The following PTPRN2 variants were observed in gnomAD, a reference collection of about 807,000 sequenced individuals.
The protein encoded by PTPRN2 is protein tyrosine phosphatase receptor type N2.
A neutral mutation model predicts 118.8 loss-of-function variants in PTPRN2; 74 were observed. That is an observed-to-expected ratio of 0.62 (90% CI 0.52 to 0.76). The LOEUF is 0.76. Among genes scored for constraint, PTPRN2 ranks in the 30% least tolerant of loss-of-function variants. The pLI is 0.00. For missense variants in PTPRN2, 1,481 were observed against 1,394.4 expected, an observed-to-expected ratio of 1.06 and a Z score of -0.99; for synonymous variants, 641 against 608.0, an observed-to-expected ratio of 1.05 and a Z score of -0.80.
At chr7:158,371,551 C>T (rs1809996686) in intron 2 of PTPRN2, among the ~76,000 whole-genome samples, 1 of 152,090 alleles carries the variant, frequency 6.6e-6, no homozygotes, top group South Asian at 2.1e-4. Context: ...CACTAATAAA[C>T]ATCCACATTG....
chr7:158,098,793 C>T (rs1322972037), intron 10 of PTPRN2, among the ~76,000 whole-genome samples: 1 of 152,010 alleles, frequency 6.6e-6, no homozygotes, highest in Non-Finnish European at 1.5e-5. Context: ...AGCGTGACCA[C>T]CGAGGAGCTG....
At chr7:157,668,736 G>A (rs760497523) in intron 13 of PTPRN2, among the ~76,000 whole-genome samples, 10 of 152,186 alleles carry the variant, frequency 6.6e-5, no homozygotes, top group Non-Finnish European at 1.5e-4. Flanking sequence ...AAAAGCCTGC[G>A]CTCTGTCAGT....
intron 12 of PTPRN2, among the ~76,000 whole-genome samples, chr7:157,818,632 AGTCCAAGGCCCTGG>A (rs1563141450): frequency 6.9e-6 from 1 of 145,980 alleles, no homozygotes; most frequent in Non-Finnish European, 1.5e-5. Flanking sequence ...GGGGCACTGG[AGTCCAAGGCCCTGG>A]GTGTGAGTCC....
At chr7:157,621,573 A>G in intron 14 of PTPRN2, 64 bp from the exon 15 acceptor site, 1 of 1,591,346 alleles carries the variant, frequency 6.3e-7, no homozygotes, top group Non-Finnish European at 8.5e-7. Flanking sequence ...CAGATGCACA[A>G]AAGGCAGCGG....
chr7:158,302,203 T>C (rs539019335), intron 3 of PTPRN2, among the ~76,000 whole-genome samples: 84 of 152,296 alleles, frequency 5.5e-4, no homozygotes, highest in African/African-American at 1.9e-3. Flanking sequence ...GGACTCTGCA[T>C]CCTCTCCCCA....
At chr7:157,968,108 C>A (rs140673566) in intron 11 of PTPRN2, among the ~76,000 whole-genome samples, 1,672 of 152,242 alleles carry the variant, frequency 0.011, 39 homozygotes, top group African/African-American at 0.038. Flanking sequence ...GGGGAGGACC[C>A]ACTACTCCAG....
Position 157,609,751 on chromosome 7 carries a change from T to G in PTPRN2, c.2345-5676A>C, listed in dbSNP as rs1022326915. Among the ~76,000 whole-genome samples, 2 of 152,204 alleles carry G rather than the reference T, an allele frequency of 1.3e-5. No individual in the cohort carries two copies. Among genetic ancestry groups the G allele is most frequent in the African/African-American group, 4.8e-5 (2 of 41,452 alleles). On this transcript the variant is annotated intron_variant, in intron 15 of 22. Transcript: ENST00000389418. The surrounding 1 kb of genome is among the most constrained non-coding windows in gnomAD (Gnocchi z 4.9). ...CAAGCAATGAGGAGCAAGGCTGAGA[T>G]GACGGTGGACACGCACCCAACTGCG...
chr7:158,071,435 G>GGTGGTGGGAGGTGCTC (rs1811603236), intron 11 of PTPRN2, among the ~76,000 whole-genome samples: 6 of 41,346 alleles, frequency 1.5e-4, no homozygotes, highest in Admixed American at 2.8e-4. Flanking sequence ...AGGTGCTCGT[G>GGTGGTGGGAGGTGCTC]GTGGTGGAGG....
intron 12 of PTPRN2, among the ~76,000 whole-genome samples, chr7:157,825,807 C>T (rs1807134554): frequency 1.3e-5 from 2 of 152,222 alleles, no homozygotes; most frequent in South Asian, 4.1e-4. Flanking sequence ...GCTTCCACCA[C>T]TCAGCTTCTC....
Position 157,629,443 on chromosome 7 carries a change from C to T in PTPRN2, c.2197-7934G>A, listed in dbSNP as rs866319079. 6.6e-6 allele frequency among the ~76,000 whole-genome samples: 1 copy of T among 152,062 alleles called. No homozygotes were observed. The highest frequency in any genetic ancestry group is 2.4e-5 in the African/African-American group (1 of 41,402). On this transcript the variant is annotated intron_variant, in intron 14 of 22. Coordinates refer to ENST00000389418, the MANE Select transcript of PTPRN2 (RefSeq NM_002847.5). This position sits in a 1 kb window ranked among gnomAD's most constrained non-coding sequence, Gnocchi z 4.4. ...ATAATGAGAATAAACTCCCACCATG[C>T]AATACTAAAACTCCTAAGGAGTCCT... is the stretch of plus-strand genomic sequence containing the variant.
At chr7:158,102,647 AG>A (rs1815322958) in intron 10 of PTPRN2, among the ~76,000 whole-genome samples, 1 of 152,192 alleles carries the variant, frequency 6.6e-6, no homozygotes, top group Non-Finnish European at 1.5e-5. Flanking sequence ...GAGAGGCAGA[AG>A]GGGGTGTGGG....
intron 11 of PTPRN2, among the ~76,000 whole-genome samples, chr7:157,909,829 C>T (rs1223273161): frequency 1.3e-5 from 2 of 152,226 alleles, no homozygotes; most frequent in Non-Finnish European, 2.9e-5. Flanking sequence ...CGAGGATTTG[C>T]CCTAGTGCTT....
At chr7:157,774,372 C>T (rs1443601164) in intron 12 of PTPRN2, among the ~76,000 whole-genome samples, 2 of 152,198 alleles carry the variant, frequency 1.3e-5, no homozygotes, top group African/African-American at 2.4e-5. Context: ...ATGCAGGAGC[C>T]CAGCATGGCC....
At chr7:157,840,475 CGTGTGACTGTGTGACT>C (rs1264824776) in intron 12 of PTPRN2, among the ~76,000 whole-genome samples, 1 of 146,614 alleles carries the variant, frequency 6.8e-6, no homozygotes, top group Non-Finnish European at 1.5e-5. Flanking sequence ...TGTGTGGCCA[CGTGTGACTGTGTGACT>C]GTGTGACTGT....
At chr7:158,248,446 G>T (rs998052465) in intron 3 of PTPRN2, among the ~76,000 whole-genome samples, 1 of 148,980 alleles carries the variant, frequency 6.7e-6, no homozygotes, top group Non-Finnish European at 1.5e-5. Context: ...TCATTTACTT[G>T]AATTCAAATC....
chr7:157,966,333 TCAC>T (rs1275917933), intron 11 of PTPRN2, among the ~76,000 whole-genome samples: 1 of 152,002 alleles, frequency 6.6e-6, no homozygotes, highest in Non-Finnish European at 1.5e-5. Context: ...ACCATCATCT[TCAC>T]CACCACCATC....
At chr7:157,592,389 C>G (rs1377586260) in intron 17 of PTPRN2, among the ~76,000 whole-genome samples, 1 of 152,222 alleles carries the variant, frequency 6.6e-6, no homozygotes, top group Admixed American at 6.5e-5. Context: ...ATGTAGGACC[C>G]AGCACCTGCT....
chr7:158,028,189 C>T (rs950782895), intron 11 of PTPRN2: 7 of 152,250 alleles, frequency 4.6e-5, no homozygotes, highest in African/African-American at 1.7e-4. Flanking sequence ...CCAAAATTCT[C>T]TGGACATTTT....
chr7:157,846,410 A>G (rs568390737), intron 12 of PTPRN2, among the ~76,000 whole-genome samples: 49 of 152,192 alleles, frequency 3.2e-4, no homozygotes, highest in Non-Finnish European at 1.8e-4. Context: ...CCAGGAAATG[A>G]CGCTCTAAAA....
Sources: gnomAD v4.1 joint callset for allele counts (sites outside exome capture counted in the v4.1 genomes callset) on GRCh38, gnomAD v4.1.1 for gene constraint, Gnocchi (gnomAD v3.1) non-coding constraint, MANE v1.5 for transcripts, NCBI Gene and HGNC (gene_info 2026-07-23, HGNC 2026-07-21) for gene names.